STAB2: variants seen among roughly 807,000 people sequenced by gnomAD.
STAB2 encodes stabilin 2.
Under a neutral mutation model 338.1 loss-of-function variants are expected in STAB2, and 288 were observed. The observed-to-expected ratio is 0.85, with a 90% CI of 0.77 to 0.94. The LOEUF is 0.94. Ranked by LOEUF, STAB2 falls within the 40% of genes least tolerant of loss-of-function variation. The pLI is 0.00. For synonymous variants in STAB2, 1,202 were observed against 1,193.3 expected (o/e 1.01, Z -0.15); for missense variants, 3,141 against 3,210.1 (o/e 0.98, Z 0.52).
intron 56 of STAB2, among the ~76,000 whole-genome samples, chr12:103,743,830 G>A (rs1234593659): frequency 6.6e-6 from 1 of 152,226 alleles, no homozygotes; most frequent in Non-Finnish European, 1.5e-5. Flanking sequence ...GGGTGGCTGA[G>A]CGGAGTGGGC....
At chr12:103,658,784 C>T (rs994961803) in intron 15 of STAB2, among the ~76,000 whole-genome samples, 2 of 152,198 alleles carry the variant, frequency 1.3e-5, no homozygotes, top group Non-Finnish European at 2.9e-5. Flanking sequence ...CCACACTGCA[C>T]TTGCTGGGGA....
intron 8 of STAB2, among the ~76,000 whole-genome samples, chr12:103,639,216 A>C (rs1189161037): frequency 1.3e-5 from 2 of 152,298 alleles, no homozygotes; most frequent in Non-Finnish European, 2.9e-5. Flanking sequence ...CAGATTTTCA[A>C]GTCTTAGAAA....
At position 103,762,588 on chromosome 12, in the gene STAB2, A is replaced by G. The variant is rs115690702; in HGVS notation, c.7488+186A>G. Among the ~76,000 whole-genome samples the G allele has an allele frequency of 9.5e-3, 1,444 of 152,258 alleles. 26 individuals carry two copies. The highest frequency in any genetic ancestry group is 0.033 in the African/African-American group (1,368 of 41,540). ...GGATGGGGTCCCTGCTCTTAAGAGG[A>G]ACAGCAGTGGTGGTTCCAAGCCCCT... On this transcript the variant is annotated intron_variant, in intron 67 of 68. Coordinates refer to ENST00000388887, the MANE Select transcript of STAB2 (RefSeq NM_017564.10).
At chr12:103,605,595 T>C (rs1242240688) in intron 3 of STAB2, among the ~76,000 whole-genome samples, 4 of 152,040 alleles carry the variant, frequency 2.6e-5, no homozygotes, top group Admixed American at 2.6e-4. Context: ...TATATTTACC[T>C]ATTTCTCCTT....
In STAB2 at chr12:103,717,849, T is replaced by C. The variant is rs769344423; in HGVS notation, c.4683+8T>C. 1.7e-5 allele frequency: 28 copies of C among 1,614,102 alleles called. No homozygotes were observed. Among genetic ancestry groups the C allele is most frequent in the Non-Finnish European group, 2.4e-5 (28 of 1,179,968 alleles). Reference sequence around the variant, plus strand: ...ATCAATGTCTGCTTAACTGTGAGTATGGCTCTAGGGTGGATATCCTTCAAG... The same window carrying C: ...ATCAATGTCTGCTTAACTGTGAGTACGGCTCTAGGGTGGATATCCTTCAAG... On this transcript the variant is annotated splice_region_variant and intron_variant, in intron 44 of 68. Coordinates refer to ENST00000388887, the MANE Select transcript of STAB2 (RefSeq NM_017564.10).
intron 24 of STAB2, among the ~76,000 whole-genome samples, chr12:103,676,263 T>C (rs1020960397): frequency 1.3e-5 from 2 of 152,116 alleles, no homozygotes; most frequent in Middle Eastern, 3.4e-3. Flanking sequence ...TTCACCATGT[T>C]GGTCAGGCTG....
intron 38 of STAB2, among the ~76,000 whole-genome samples, chr12:103,708,224 G>T (rs1278929510): frequency 6.6e-6 from 1 of 152,198 alleles, no homozygotes; most frequent in Admixed American, 6.5e-5. Context: ...TGCAGTCTGA[G>T]CCACTTCATT....
intron 68 of STAB2, among the ~76,000 whole-genome samples, chr12:103,764,870 G>C (rs1884806198): frequency 6.6e-6 from 1 of 152,028 alleles, no homozygotes; most frequent in South Asian, 2.1e-4. Flanking sequence ...GGCCAAGGCA[G>C]GTGGATCACC....
At chr12:103,606,575 C>T (rs1488974034) in intron 3 of STAB2, among the ~76,000 whole-genome samples, 2 of 152,026 alleles carry the variant, frequency 1.3e-5, no homozygotes, top group Admixed American at 6.6e-5. Context: ...TGAAAAAGTC[C>T]TTATCTTGCC....
chr12:103,721,894 A>G (rs1880796868), intron 44 of STAB2, among the ~76,000 whole-genome samples: 2 of 150,286 alleles, frequency 1.3e-5, no homozygotes, highest in Admixed American at 1.3e-4. Context: ...TACAAGGAAA[A>G]GGAATCAAGG....
chr12:103,744,153 T>A (rs958973474), intron 56 of STAB2, among the ~76,000 whole-genome samples: 2 of 151,320 alleles, frequency 1.3e-5, no homozygotes, highest in Non-Finnish European at 2.9e-5. Context: ...AATGTTACTT[T>A]TTTTTTTTGA....
chr12:103,725,666 ATG>A (rs1005539181), intron 45 of STAB2, among the ~76,000 whole-genome samples: 6 of 152,196 alleles, frequency 3.9e-5, no homozygotes, highest in Admixed American at 3.3e-4. Flanking sequence ...GTGTGTGTGC[ATG>A]TGTGTGTGTA....
Position 103,758,200 on chromosome 12 carries a change from C to T in STAB2, c.7018C>T (p.Arg2340Ter). 1.2e-6 allele frequency: 2 copies of T among 1,614,084 alleles called. No homozygotes were observed. The highest frequency in any genetic ancestry group is 1.1e-5 in the South Asian group (1 of 91,070). ...EVLAYSNSSA[R>*]GRAFLEHLTD... ...GCTGGCCTATTCCAACAGCTCAGCT[C>T]GAGGCCGTGCATTTCTAGAACACCT... The change falls in exon 64 of 69, where the codon CGA (arginine) becomes TGA (stop). Residue 2340 changes from arginine (R) to a stop codon, truncating the protein, a stop_gained. Coordinates refer to ENST00000388887, the MANE Select transcript of STAB2 (RefSeq NM_017564.10). LOFTEE classifies it high-confidence loss of function.
At chr12:103,738,552 A>G (rs1464012495) in intron 53 of STAB2, among the ~76,000 whole-genome samples, 2 of 152,198 alleles carry the variant, frequency 1.3e-5, no homozygotes, top group African/African-American at 2.4e-5. Flanking sequence ...AATTTCAATA[A>G]CTATCCCAAA....
intron 43 of STAB2, among the ~76,000 whole-genome samples, chr12:103,717,316 C>T (rs896720348): frequency 1.3e-5 from 2 of 152,204 alleles, no homozygotes; most frequent in African/African-American, 4.8e-5. Context: ...TCCATGTGCA[C>T]ACCTCAGTGG....
intron 3 of STAB2, among the ~76,000 whole-genome samples, chr12:103,601,361 G>A (rs547680662): frequency 3.3e-5 from 5 of 152,350 alleles, no homozygotes; most frequent in East Asian, 1.9e-4. Flanking sequence ...GGAGGCCAAG[G>A]AGGGCAGATA....
In STAB2 at chr12:103,711,521, G is replaced by A. The variant is rs1389292430; in HGVS notation, c.4334+5G>A. The A allele has an allele frequency of 2.5e-6, 4 of 1,614,076 alleles. No homozygotes were observed. The highest frequency in any genetic ancestry group is 1.7e-5 in the Admixed American group (1 of 60,016). ...GACATGCCATACCAGCGCCAAGTAG[G>A]TAGCCCTGGGCCACCTCTGGGGACA... On this transcript the variant is annotated splice_donor_5th_base_variant and intron_variant, in intron 40 of 68. Transcript: ENST00000388887.
At chr12:103,714,306 G>A (rs1019362060) in intron 42 of STAB2, among the ~76,000 whole-genome samples, 2 of 152,118 alleles carry the variant, frequency 1.3e-5, no homozygotes, top group African/African-American at 2.4e-5. Flanking sequence ...ATAGTAAGTT[G>A]TCTGAATTTA....
intron 12 of STAB2, among the ~76,000 whole-genome samples, chr12:103,654,096 T>C (rs1041694050): frequency 6.6e-6 from 1 of 152,256 alleles, no homozygotes; most frequent in Non-Finnish European, 1.5e-5. Flanking sequence ...TGTATTTACC[T>C]GTTCATTCAT....
Sources: gnomAD v4.1 joint callset for allele counts (sites outside exome capture counted in the v4.1 genomes callset) on GRCh38, gnomAD v4.1.1 for gene constraint, MANE v1.5 for transcripts, NCBI Gene and HGNC (gene_info 2026-07-23, HGNC 2026-07-21) for gene names.